The following PARD3B variants were observed in gnomAD, a reference collection of about 807,000 sequenced individuals.
The protein encoded by PARD3B is partitioning defective 3 homolog B.
In PARD3B, 103 loss-of-function variants were observed where a neutral mutation model predicts 130.2. The ratio of observed to expected loss-of-function variants is 0.79; its 90% CI spans 0.67 to 0.93. The LOEUF (loss-of-function observed/expected upper bound fraction) is 0.93, where lower values mean the gene tolerates loss of function less well. Ranked by LOEUF, PARD3B falls within the 40% of genes least tolerant of loss-of-function variation. The pLI is 0.00. For missense variants in PARD3B, 1,609 were observed against 1,499.2 expected (o/e 1.07, Z -1.21); for synonymous variants, 583 against 553.2 (o/e 1.05, Z -0.76).
intron 15 of PARD3B, among the ~76,000 whole-genome samples, chr2:205,235,670 A>C: frequency 6.6e-6 from 1 of 152,218 alleles, no homozygotes; most frequent in Non-Finnish European, 1.5e-5. Context: ...AGTGCAATGA[A>C]GCAAGATGGC....
intron 21 of PARD3B, among the ~76,000 whole-genome samples, chr2:205,509,152 A>T (rs2050492846): frequency 6.6e-6 from 1 of 152,170 alleles, no homozygotes; most frequent in African/African-American, 2.4e-5. Context: ...AGTCCCCAAC[A>T]TAGAAATAAA....
rs1491239044 is a variant in PARD3B, at chr2:205,381,201, TAA to T, written c.2631-19811_2631-19810del. Among the ~76,000 whole-genome samples the T allele has an allele frequency of 4.0e-3, 481 of 120,664 alleles. 7 individuals carry two copies. Among genetic ancestry groups the T allele is most frequent in the African/African-American group, 0.015 (427 of 27,922 alleles). 79.2% of individuals were successfully genotyped at this position (120,664 alleles called of 152,430 possible). ...ATATATAAAGAATATATATTATATA[TAA>T]TATATAAAGAATATATATTATATAT... On this transcript the variant is annotated intron_variant, in intron 18 of 22. Transcript: ENST00000406610.
chr2:205,178,101 T>C (rs1559513191), intron 13 of PARD3B, among the ~76,000 whole-genome samples: 1 of 121,088 alleles, frequency 8.3e-6, no homozygotes, highest in Admixed American at 1.2e-4. Flanking sequence ...AGGTCGGAAG[T>C]TCGAGACCAG....
chr2:205,012,079 C>G (rs923838483), intron 3 of PARD3B, among the ~76,000 whole-genome samples: 3 of 152,126 alleles, frequency 2.0e-5, no homozygotes. Flanking sequence ...GTCCCTGCAA[C>G]TTGGTTGGCC....
chr2:205,367,357 T>C (rs760069242), intron 18 of PARD3B, among the ~76,000 whole-genome samples: 3 of 152,058 alleles, frequency 2.0e-5, no homozygotes, highest in African/African-American at 2.4e-5. Context: ...TCCTCTTAAG[T>C]GAGGGAAAGG....
chr2:205,614,504 G>C (rs1395682813), intron 22 of PARD3B, among the ~76,000 whole-genome samples: 2 of 151,958 alleles, frequency 1.3e-5, no homozygotes, highest in Admixed American at 6.6e-5. Context: ...AGGAGATTGA[G>C]ACCAGCCTGG....
intron 3 of PARD3B, among the ~76,000 whole-genome samples, chr2:205,033,498 G>A (rs1242444634): frequency 6.6e-6 from 1 of 152,054 alleles, no homozygotes; most frequent in Non-Finnish European, 1.5e-5. Context: ...ACCGTATTCT[G>A]TAGTTTCCTC....
At chr2:205,172,120 T>G (rs1274496057) in intron 11 of PARD3B, 91 bp from the exon 12 acceptor site, 4 of 1,335,106 alleles carry the variant, frequency 3.0e-6, no homozygotes, top group Non-Finnish European at 3.1e-6. Flanking sequence ...TTTCTTTTTT[T>G]CATTTTTAAA....
chr2:205,019,356 G>T (rs1031930501), intron 3 of PARD3B, among the ~76,000 whole-genome samples: 3 of 152,130 alleles, frequency 2.0e-5, no homozygotes, highest in Non-Finnish European at 4.4e-5. Flanking sequence ...TCATTTTATG[G>T]ATATGCCAAA....
At chr2:205,500,107 A>G (rs1006896526) in intron 21 of PARD3B, 76 bp downstream of exon 21, 61 of 1,525,782 alleles carry the variant, frequency 4.0e-5, no homozygotes, top group Non-Finnish European at 5.1e-5. Flanking sequence ...ACGGTCAAGA[A>G]TGTTCTGTAC....
At chr2:205,107,371 A>C (rs996879352) in intron 5 of PARD3B, among the ~76,000 whole-genome samples, 2 of 152,172 alleles carry the variant, frequency 1.3e-5, no homozygotes, top group Non-Finnish European at 2.9e-5. Context: ...GACTAATTAC[A>C]TTACTTCTTT....
chr2:205,117,938 T>TACACACACACACACACAC (rs1366473096), intron 6 of PARD3B, among the ~76,000 whole-genome samples: 2 of 107,784 alleles, frequency 1.9e-5, no homozygotes, highest in African/African-American at 3.2e-5. Context: ...CACACACACA[T>TACACACACACACACACAC]ACACACACAC....
intron 13 of PARD3B, among the ~76,000 whole-genome samples, chr2:205,180,634 CA>C (rs1206751565): frequency 6.6e-6 from 1 of 151,166 alleles, no homozygotes; most frequent in Admixed American, 6.6e-5. Context: ...TTTAAGAATC[CA>C]ATGTTGATAT....
At chr2:205,170,888 CT>C (rs2035137983) in intron 11 of PARD3B, among the ~76,000 whole-genome samples, 1 of 151,750 alleles carries the variant, frequency 6.6e-6, no homozygotes. Flanking sequence ...TTTCCTTTCC[CT>C]ATTTTTGTGT....
At position 204,717,617 on chromosome 2, in the gene PARD3B, AAC is replaced by A. The variant is rs111244493; in HGVS notation, c.222+31337_222+31338del. ...TGGACAGAAATCCAAAGGAATGATG[AAC>A]ATTATAGAATGAGCAGTGAGAACTG... On this transcript the variant is annotated intron_variant, in intron 2 of 22. Transcript: ENST00000406610. 0.012 allele frequency among the ~76,000 whole-genome samples: 1,878 copies of A among 152,308 alleles called. 72 individuals are homozygous for A. The East Asian group carries it at 0.14, about 11-fold the overall frequency.
rs1418295579 is a variant in PARD3B at position 204,967,329 on chromosome 2, G to C, written c.394+2006G>C. On this transcript the variant is annotated intron_variant, in intron 3 of 22. Transcript: ENST00000406610. The surrounding 1 kb of genome is among the most constrained non-coding windows in gnomAD (Gnocchi z 4.4). ...AGCTTCCTTGTCCACAGCCACCACA[G>C]CAGGCCAGAGCTTTGCCATCAATTA... Among the ~76,000 whole-genome samples the C allele has an allele frequency of 6.6e-6, 1 of 152,150 alleles. No homozygotes were observed. Among genetic ancestry groups the C allele is most frequent in the Non-Finnish European group, 1.5e-5 (1 of 68,038 alleles).
At chr2:204,954,799 A>C (rs943858564) in intron 2 of PARD3B, among the ~76,000 whole-genome samples, 5 of 152,228 alleles carry the variant, frequency 3.3e-5, no homozygotes, top group Non-Finnish European at 5.9e-5. Context: ...ATACAGCTCA[A>C]GTATATGCAA....
chr2:204,741,357 G>GT (rs2040001807), intron 2 of PARD3B, among the ~76,000 whole-genome samples: 1 of 152,012 alleles, frequency 6.6e-6, no homozygotes, highest in African/African-American at 2.4e-5. Context: ...TGAGTTCTTT[G>GT]TTTTTTTCTA....
At chr2:205,556,463 G>C (rs2052891207) in intron 22 of PARD3B, among the ~76,000 whole-genome samples, 1 of 152,198 alleles carries the variant, frequency 6.6e-6, no homozygotes, top group South Asian at 2.1e-4. Flanking sequence ...CCCACTGCCA[G>C]GCTAAATGAC....
Sources: gnomAD v4.1 joint callset for allele counts (sites outside exome capture counted in the v4.1 genomes callset) on GRCh38, gnomAD v4.1.1 for gene constraint, Gnocchi (gnomAD v3.1) non-coding constraint, MANE v1.5 for transcripts, NCBI Gene and HGNC (gene_info 2026-07-23, HGNC 2026-07-21) for gene names.